Variants in NRG3 observed in about 807,000 individuals in gnomAD.
The protein encoded by NRG3 is pro-neuregulin-3, membrane-bound isoform.
A neutral mutation model predicts 66.9 loss-of-function variants in NRG3; 31 were observed. The observed-to-expected ratio is 0.46, with a 90% confidence interval of 0.35 to 0.63. The LOEUF (loss-of-function observed/expected upper bound fraction) is 0.63, where lower values mean the gene tolerates loss of function less well. NRG3 is among the 20% of genes least tolerant of loss of function. The pLI is 0.00. For synonymous variants in NRG3, 393 were observed against 359.4 expected (o/e 1.09, Z -1.06); for missense variants, 910 against 878.9 (o/e 1.04, Z -0.45).
chr10:82,507,505 A>G (rs988567511), intron 2 of NRG3, among the ~76,000 whole-genome samples: 1 of 152,240 alleles, frequency 6.6e-6, no homozygotes, highest in Non-Finnish European at 1.5e-5. Context: ...TATCCAGTCC[A>G]CTAGAATAGC....
intron 1 of NRG3, among the ~76,000 whole-genome samples, chr10:82,349,907 C>T (rs1182339623): frequency 1.3e-5 from 2 of 152,180 alleles, no homozygotes; most frequent in African/African-American, 4.8e-5. Context: ...GAGGCAATGC[C>T]TCGCCCTGCT....
At chr10:81,969,484 A>T (rs1260676701) in intron 1 of NRG3, among the ~76,000 whole-genome samples, 2 of 152,150 alleles carry the variant, frequency 1.3e-5, no homozygotes, top group African/African-American at 4.8e-5. Context: ...AGAGAGAGAG[A>T]GAGGAAACAG....
At chr10:82,673,987 T>G (rs2053487434) in intron 2 of NRG3, among the ~76,000 whole-genome samples, 1 of 152,078 alleles carries the variant, frequency 6.6e-6, no homozygotes, top group South Asian at 2.1e-4. Context: ...ATGATTGAAT[T>G]AGTCCAGCAT....
At chr10:82,422,590 C>G (rs1476223010) in intron 2 of NRG3, among the ~76,000 whole-genome samples, 5 of 152,006 alleles carry the variant, frequency 3.3e-5, no homozygotes, top group Non-Finnish European at 7.4e-5. Context: ...CAAGCAGTGC[C>G]TGAAGTGTTG....
intron 2 of NRG3, among the ~76,000 whole-genome samples, chr10:82,601,538 CA>C (rs2047627532): frequency 6.6e-6 from 1 of 152,036 alleles, no homozygotes; most frequent in South Asian, 2.1e-4. Context: ...AAGTGTTCTC[CA>C]AAAGCTTTGC....
chr10:81,912,871 C>T (rs536262474), intron 1 of NRG3, among the ~76,000 whole-genome samples: 1 of 152,334 alleles, frequency 6.6e-6, no homozygotes, highest in South Asian at 2.1e-4. Flanking sequence ...ATCCAGGCAT[C>T]TTCAAGGCCA....
intron 2 of NRG3, among the ~76,000 whole-genome samples, chr10:82,722,064 A>G (rs912991873): frequency 4.6e-5 from 7 of 152,226 alleles, no homozygotes; most frequent in African/African-American, 1.7e-4. Context: ...AAAATTTGGC[A>G]TCAGGGATGG....
At chr10:82,977,155 G>A (rs12783060) in intron 7 of NRG3, among the ~76,000 whole-genome samples, 83,379 of 151,844 alleles carry the variant, frequency 0.55, 23,587 homozygotes, top group Non-Finnish European at 0.63. Flanking sequence ...TAGCATCCAA[G>A]GCTTCAGGCC....
At chr10:82,659,666 A>G (rs2052167984) in intron 2 of NRG3, among the ~76,000 whole-genome samples, 1 of 152,150 alleles carries the variant, frequency 6.6e-6, no homozygotes, top group Non-Finnish European at 1.5e-5. Context: ...AAAACAAAGC[A>G]AAACAGAAAA....
chr10:82,813,897 A>T (rs1400277453), intron 3 of NRG3, among the ~76,000 whole-genome samples: 1 of 152,202 alleles, frequency 6.6e-6, no homozygotes, highest in Non-Finnish European at 1.5e-5. Context: ...ACGTGTGTAC[A>T]CACAGGTCTT....
At chr10:82,058,570 A>G (rs549125441) in intron 1 of NRG3, among the ~76,000 whole-genome samples, 78 of 150,882 alleles carry the variant, frequency 5.2e-4, no homozygotes, top group African/African-American at 1.8e-3. Context: ...ATATATATTT[A>G]TAAATATACT....
intron 1 of NRG3, among the ~76,000 whole-genome samples, chr10:82,340,420 T>C (rs545065024): frequency 6.6e-6 from 1 of 152,328 alleles, no homozygotes; most frequent in South Asian, 2.1e-4. Flanking sequence ...CAAGCCAGGC[T>C]CTTGTGTTGC....
At chr10:82,101,456 T>A (rs1365908866) in intron 1 of NRG3, among the ~76,000 whole-genome samples, 4 of 151,868 alleles carry the variant, frequency 2.6e-5, no homozygotes, top group African/African-American at 9.7e-5. Context: ...CTTTCTTATT[T>A]TCTAATATGA....
At chr10:81,899,897 G>T (rs73319122) in intron 1 of NRG3, among the ~76,000 whole-genome samples, 2,848 of 152,172 alleles carry the variant, frequency 0.019, 82 homozygotes, top group African/African-American at 0.063. Flanking sequence ...AAAACAAATA[G>T]AAAGGTTGGT....
intron 1 of NRG3, among the ~76,000 whole-genome samples, chr10:82,352,145 G>T (rs960582998): frequency 4.6e-5 from 7 of 152,120 alleles, no homozygotes; most frequent in Admixed American, 3.9e-4. Context: ...AATAACTATT[G>T]GATAGCAGGT....
chr10:82,142,762 C>CTT (rs2069900529), intron 1 of NRG3, among the ~76,000 whole-genome samples: 2 of 121,164 alleles, frequency 1.7e-5, no homozygotes, highest in Non-Finnish European at 3.3e-5. Context: ...CTCTCTCTCT[C>CTT]GCTCTTTTTT....
intron 3 of NRG3, among the ~76,000 whole-genome samples, chr10:82,801,446 T>G (rs571887702): frequency 6.6e-6 from 1 of 152,264 alleles, no homozygotes; most frequent in Non-Finnish European, 1.5e-5. Context: ...ACACATTCCA[T>G]CTGGAATGTG....
intron 2 of NRG3, among the ~76,000 whole-genome samples, chr10:82,517,284 CT>C (rs1366925386): frequency 6.6e-6 from 1 of 151,940 alleles, no homozygotes; most frequent in Admixed American, 6.6e-5. Context: ...CATTTTTTCA[CT>C]GGAGTCATTG....
intron 2 of NRG3, among the ~76,000 whole-genome samples, chr10:82,573,525 C>T (rs2045861442): frequency 6.6e-6 from 1 of 151,804 alleles, no homozygotes; most frequent in South Asian, 2.1e-4. Flanking sequence ...ATTTAAACCT[C>T]TCCGCATAGT....
Sources: allele counts gnomAD v4.1 joint callset (sites outside exome capture counted in the v4.1 genomes callset), GRCh38; gene constraint gnomAD v4.1.1; transcripts MANE v1.5; gene names NCBI Gene and HGNC (gene_info 2026-07-23, HGNC 2026-07-21).